Variants in ASXL1 observed in about 807,000 individuals in gnomAD.
The protein encoded by ASXL1 is polycomb group protein ASXL1.
ASXL1 carries 65 observed loss-of-function variants against 89.1 expected under a neutral mutation model. The observed-to-expected ratio is 0.73, with a 90% CI of 0.60 to 0.90. The LOEUF (loss-of-function observed/expected upper bound fraction) is 0.90, where lower values mean the gene tolerates loss of function less well. Ranked by LOEUF, ASXL1 falls within the 40% of genes least tolerant of loss-of-function variation. The pLI, the probability that ASXL1 is intolerant of heterozygous loss-of-function variation, is 0.00. For synonymous variants in ASXL1, 739 were observed against 746.9 expected (o/e 0.99, Z 0.17); for missense variants, 1,786 against 1,942.9 (o/e 0.92, Z 1.52).
In ASXL1 at chr20:32,369,219, G is replaced by T. The variant is rs145771881; in HGVS notation, c.252+96G>T. On this transcript the variant is annotated intron_variant, in intron 4 of 12. Transcript: ENST00000375687. ...GGTCTGGAATAGGGGCCATGAATTT[G>T]CATTTCTCATATGCAGTCAGGTGAC... 6.4e-4 allele frequency: 751 copies of T among 1,176,490 alleles called. 7 individuals carry two copies. The East Asian group carries it at 0.016, about 26-fold the overall frequency. The allele number at this position is 1,176,490 out of a possible 1,614,324, so 72.9% of individuals were successfully genotyped here.
At chr20:32,430,346 T>C (rs921583256) in intron 8 of ASXL1, 16 of 357,526 alleles carry the variant, frequency 4.5e-5, no homozygotes, top group African/African-American at 2.9e-4. Flanking sequence ...GAGTGAAAAC[T>C]GCTTCTGAGC....
Position 32,435,420 on chromosome 20 carries a change from C to T in ASXL1, c.2708C>T (p.Ser903Leu), listed in dbSNP as rs754790367. The T allele has an allele frequency of 2.3e-5, 37 of 1,613,974 alleles. No homozygotes were observed. Among genetic ancestry groups the T allele is most frequent in the Middle Eastern group, 1.6e-4 (1 of 6,084 alleles). The change falls in exon 13 of 13, where the codon TCG (serine) becomes TTG (leucine). Residue 903 changes from serine to leucine, a missense_variant. Transcript: ENST00000375687. The stretch of plus-strand genomic sequence containing the variant: ...TCTTTGCATTGGATACCCATCCCAT[C>T]GAATGATGAGGTAGTGAAACAGCCC... ...NSSLHWIPIP[S>L]NDEVVKQPKP...
chr20:32,424,805 A>G (rs772843595), intron 4 of ASXL1, among the ~76,000 whole-genome samples: 14 of 152,258 alleles, frequency 9.2e-5, no homozygotes, highest in Non-Finnish European at 1.6e-4. Flanking sequence ...TTAAACTTTT[A>G]TAATTGTGGG....
At chr20:32,389,130 T>C (rs2048627801) in intron 4 of ASXL1, among the ~76,000 whole-genome samples, 1 of 152,186 alleles carries the variant, frequency 6.6e-6, no homozygotes, top group African/African-American at 2.4e-5. Flanking sequence ...TCTTTTGCTT[T>C]TAACCCACAT....
At position 32,358,735 on chromosome 20, in the gene ASXL1, G is replaced by C. The variant is rs2048054960; in HGVS notation, c.-41G>C. 347 of 588,400 alleles carry C rather than the reference G, an allele frequency of 5.9e-4. No homozygotes were observed. The highest frequency in any genetic ancestry group is 8.3e-4 in the Non-Finnish European group (300 of 359,282). 36.4% of individuals were successfully genotyped at this position (588,400 alleles called of 1,614,324 possible). On this transcript the variant is annotated 5_prime_UTR_variant, in exon 1 of 13. Coordinates refer to ENST00000375687, the MANE Select transcript of ASXL1 (RefSeq NM_015338.6). The stretch of plus-strand genomic sequence containing the variant: ...GCCACCGCCCCAGCCCGCCCAGCCC[G>C]GAGGTCCCGCGTGGAGCTGCCGCCG...
chr20:32,401,551 C>CTT (rs1569285470), intron 4 of ASXL1, among the ~76,000 whole-genome samples: 1 of 21,154 alleles, frequency 4.7e-5, no homozygotes, highest in Admixed American at 8.7e-4. Context: ...TGTGTTTTTT[C>CTT]CCCCCCCCCC....
chr20:32,359,570 T>A, intron 1 of ASXL1: 1 of 664,642 alleles, frequency 1.5e-6, no homozygotes, highest in African/African-American at 1.8e-5. Flanking sequence ...AAACGCAGAC[T>A]GGGCTGTTTG....
chr20:32,436,741 C>T lies in ASXL1; in HGVS notation c.4029C>T (p.Asn1343=), dbSNP rs2145391271. 1 of 1,614,148 alleles carries T rather than the reference C, an allele frequency of 6.2e-7. No individual in the cohort carries two copies. Among genetic ancestry groups the T allele is most frequent in the Non-Finnish European group, 8.5e-7 (1 of 1,180,042 alleles). Reference sequence around the variant, plus strand: ...GTGGGAAGTTGGGACCAAGCACAAACTCCATGTCTGGTGGGGTACAGACTC... The same window carrying T: ...GTGGGAAGTTGGGACCAAGCACAAATTCCATGTCTGGTGGGGTACAGACTC... The part of the protein sequence containing the change: ...FPSGKLGPST[N]SMSGGVQTPR... Residue 1343 remains asparagine (N), a synonymous_variant, in exon 13 of 13, where the codon AAC becomes AAT. Coordinates refer to ENST00000375687, the MANE Select transcript of ASXL1 (RefSeq NM_015338.6).
chr20:32,426,536 G>GTTTTTTTT (rs1353657083), intron 4 of ASXL1, among the ~76,000 whole-genome samples: 6 of 98,794 alleles, frequency 6.1e-5, no homozygotes, highest in East Asian at 5.3e-4. Context: ...GTAGAAAACT[G>GTTTTTTTT]TTTTCTTTTT....
chr20:32,430,905 C>T, intron 8 of ASXL1: 2 of 435,324 alleles, frequency 4.6e-6, no homozygotes, highest in South Asian at 4.2e-5. Context: ...CCCTCTCCAG[C>T]CCATTCACAG....
In ASXL1 at chr20:32,426,541, C is replaced by CTTTTT. The variant is rs1014372390; in HGVS notation, c.253-1583_253-1579dup. On this transcript the variant is annotated intron_variant, in intron 4 of 12. Transcript: ENST00000375687. The stretch of plus-strand genomic sequence containing the variant: ...AGGTAAAGATGTAGAAAACTGTTTT[C>CTTTTT]TTTTTTTTCTTTCTTTTTTTTTTTT... Among the ~76,000 whole-genome samples the CTTTTT allele has an allele frequency of 5.3e-3, 492 of 92,442 alleles. 71 individuals are homozygous for CTTTTT. The highest frequency in any genetic ancestry group is 0.027 in the East Asian group (51 of 1,872). The allele number at this position is 92,442 out of a possible 152,430, so 60.6% of individuals were successfully genotyped here.
Position 32,434,857 on chromosome 20 carries a change from A to C in ASXL1, c.2145A>C (p.Arg715Ser). ...EHTQAGTAMS[R>S]ARREDLPSLR... Reference sequence around the variant, plus strand: ...CCCAGGCCGGAACTGCCATGTCCAGAGCTAGGAGAGAGGACCTGCCTTCTC... The same window carrying C: ...CCCAGGCCGGAACTGCCATGTCCAGCGCTAGGAGAGAGGACCTGCCTTCTC... The change falls in exon 13 of 13, where the codon AGA becomes AGC. Residue 715 changes from arginine (R) to serine (S), a missense_variant. Around this residue, in one of 3 missense-constraint regions of ASXL1, gnomAD observed 1,418 missense variants for 1,427.8 expected, o/e 0.99. Transcript: ENST00000375687. The C allele has an allele frequency of 6.2e-7, 1 of 1,614,118 alleles. No individual in the cohort carries two copies. The highest frequency in any genetic ancestry group is 2.2e-5 in the East Asian group (1 of 44,882).
chr20:32,406,284 A>G (rs2048953465), intron 4 of ASXL1, among the ~76,000 whole-genome samples: 1 of 152,046 alleles, frequency 6.6e-6, no homozygotes, highest in African/African-American at 2.4e-5. Context: ...GCAGTGGCTT[A>G]CACCTGTAAT....
chr20:32,368,724 G>GT (rs2048245625), intron 3 of ASXL1, among the ~76,000 whole-genome samples: 3 of 152,120 alleles, frequency 2.0e-5, no homozygotes, highest in African/African-American at 7.2e-5. Context: ...AAATTGTGAG[G>GT]TTTTTCTAAA....
At position 32,435,816 on chromosome 20, in the gene ASXL1, C is replaced by A; in HGVS notation, c.3104C>A (p.Pro1035His). 1 of 1,614,114 alleles carries A rather than the reference C, an allele frequency of 6.2e-7. No individual in the cohort carries two copies. Among genetic ancestry groups the A allele is most frequent in the Non-Finnish European group, 8.5e-7 (1 of 1,180,016 alleles). The change falls in exon 13 of 13, where the codon CCC becomes CAC. Residue 1035 changes from proline (P) to histidine (H), a missense_variant. Physicochemically the swap from Pro to His is moderately conservative, Grantham distance 77 (BLOSUM62 -2). Around this residue, in one of 3 missense-constraint regions of ASXL1, gnomAD observed 1,418 missense variants for 1,427.8 expected, o/e 0.99. Coordinates refer to ENST00000375687, the MANE Select transcript of ASXL1 (RefSeq NM_015338.6). ...KGSSVDKDEK[P>H]NWNQSAPLSK... ...TCTTCGGTGGACAAGGATGAGAAAC[C>A]CAATTGGAACCAATCTGCCCCACTG...
chr20:32,403,996 A>T (rs538767738), intron 4 of ASXL1, among the ~76,000 whole-genome samples: 17 of 152,258 alleles, frequency 1.1e-4, no homozygotes, highest in African/African-American at 4.1e-4. Flanking sequence ...ATCACCTCAA[A>T]TATTTATCAT....
chr20:32,384,826 A>T (rs1238626692), intron 4 of ASXL1, among the ~76,000 whole-genome samples: 1 of 152,192 alleles, frequency 6.6e-6, no homozygotes, highest in East Asian at 1.9e-4. Flanking sequence ...AGTGGGCAGG[A>T]TGCTTACTTC....
chr20:32,433,162 T>C lies in ASXL1; in HGVS notation c.1086-122T>C, dbSNP rs2011578789. 4.5e-6 allele frequency: 7 copies of C among 1,546,814 alleles called. No individual in the cohort carries two copies. The South Asian group carries it at 4.7e-5, about 10-fold the overall frequency. On this transcript the variant is annotated intron_variant, in intron 11 of 12. Coordinates refer to ENST00000375687, the MANE Select transcript of ASXL1 (RefSeq NM_015338.6). ...TAACAGAAGTTTTTCCATGGTTAGATTGTGCACCACACAGATTTATTTTGT... is the reference window on the plus strand; with the variant it reads ...TAACAGAAGTTTTTCCATGGTTAGACTGTGCACCACACAGATTTATTTTGT...
At position 32,436,903 on chromosome 20, in the gene ASXL1, T is replaced by A; in HGVS notation, c.4191T>A (p.Gly1397=). 3 of 1,614,074 alleles carry A rather than the reference T, an allele frequency of 1.9e-6. No homozygotes were observed. Among genetic ancestry groups the A allele is most frequent in the Non-Finnish European group, 2.5e-6 (3 of 1,180,008 alleles). Residue 1397 remains glycine (G), a synonymous_variant, in exon 13 of 13, where the codon GGT becomes GGA. Transcript: ENST00000375687. Reference sequence around the variant, plus strand: ...GGCATAGTCCCCTGGAACTGGTGGGTCACTTGGAAGGGATGCCCTTTGTCA... The same window carrying A: ...GGCATAGTCCCCTGGAACTGGTGGGACACTTGGAAGGGATGCCCTTTGTCA... The part of the protein sequence containing the change: ...ATGHSPLELV[G]HLEGMPFVMD...
Sources: allele counts gnomAD v4.1 joint callset (sites outside exome capture counted in the v4.1 genomes callset), GRCh38; gene constraint gnomAD v4.1.1; regional missense constraint gnomAD v4.1.1; transcripts MANE v1.5; gene names NCBI Gene and HGNC (gene_info 2026-07-23, HGNC 2026-07-21).